THRB: variants seen among roughly 807,000 people sequenced by gnomAD.
The protein encoded by THRB is thyroid hormone receptor beta.
Under a neutral mutation model 47.8 loss-of-function variants are expected in THRB, and 12 were observed. That is an observed-to-expected ratio of 0.25 (90% CI 0.16 to 0.41). THRB has a LOEUF of 0.41. THRB is among the 10% of genes least tolerant of loss of function. The pLI is 1.00. For synonymous variants in THRB, 218 were observed against 212.2 expected (o/e 1.03, Z -0.24); for missense variants, 348 against 589.2 (o/e 0.59, Z 4.24).
chr3:24,139,571 A>G (rs150443927), intron 8 of THRB, among the ~76,000 whole-genome samples: 1 of 152,060 alleles, frequency 6.6e-6, no homozygotes, highest in Non-Finnish European at 1.5e-5. Flanking sequence ...TTTTTTGTAG[A>G]GATGGAGTCT....
chr3:24,492,465 G>A (rs1419037253), intron 1 of THRB, among the ~76,000 whole-genome samples: 4 of 152,140 alleles, frequency 2.6e-5, no homozygotes, highest in Admixed American at 6.5e-5. Context: ...AAGGTGACAC[G>A]TAATCTTACA....
intron 1 of THRB, among the ~76,000 whole-genome samples, chr3:24,351,740 G>A (rs1282062781): frequency 2.6e-5 from 4 of 152,160 alleles, no homozygotes; most frequent in African/African-American, 9.7e-5. Context: ...AAGGTGCTGG[G>A]AATGAGAAGC....
intron 2 of THRB, among the ~76,000 whole-genome samples, chr3:24,300,946 A>C (rs1324104317): frequency 6.6e-6 from 1 of 152,202 alleles, no homozygotes; most frequent in Admixed American, 6.5e-5. Context: ...AGATATAATT[A>C]AGGATCTCTA....
intron 3 of THRB, among the ~76,000 whole-genome samples, chr3:24,288,400 G>T (rs1348878957): frequency 6.6e-6 from 1 of 152,212 alleles, no homozygotes; most frequent in Admixed American, 6.5e-5. Context: ...TCTCAGCTGA[G>T]AGTTGTGCTT....
intron 10 of THRB, among the ~76,000 whole-genome samples, chr3:24,125,292 G>GGTAA (rs1034463401): frequency 6.6e-6 from 1 of 152,180 alleles, no homozygotes; most frequent in Non-Finnish European, 1.5e-5. Context: ...TAAAAAAGAA[G>GGTAA]GTAAGTGTCA....
Position 24,205,905 on chromosome 3 carries a change from G to T in THRB, c.23-15571C>A, listed in dbSNP as rs568652394. ...AACAAAGATCAAAAGAGACAAAGAAGGCCATTACATAATGGTAAAGGGATC... is the reference window on the plus strand; with the variant it reads ...AACAAAGATCAAAAGAGACAAAGAATGCCATTACATAATGGTAAAGGGATC... On this transcript the variant is annotated intron_variant, in intron 4 of 10. Transcript: ENST00000646209. Among the ~76,000 whole-genome samples the T allele has an allele frequency of 2.0e-5, 3 of 152,202 alleles. No individual in the cohort carries two copies. The East Asian group carries it at 5.8e-4, about 29-fold the overall frequency.
intron 4 of THRB, among the ~76,000 whole-genome samples, chr3:24,194,305 C>T (rs2043707170): frequency 6.6e-6 from 1 of 151,976 alleles, no homozygotes; most frequent in Admixed American, 6.6e-5. Flanking sequence ...GCCTGTTGTT[C>T]TGAGCATTAT....
At chr3:24,244,323 A>G (rs935323434) in intron 3 of THRB, among the ~76,000 whole-genome samples, 10 of 152,196 alleles carry the variant, frequency 6.6e-5, no homozygotes, top group Non-Finnish European at 1.0e-4. Flanking sequence ...TTAAAGACAG[A>G]GCTGAAAAAG....
intron 1 of THRB, among the ~76,000 whole-genome samples, chr3:24,378,589 G>A (rs1350731972): frequency 1.1e-4 from 16 of 152,138 alleles, no homozygotes; most frequent in Admixed American, 1.0e-3. Flanking sequence ...CCATGACGGT[G>A]CTCAAGGTTG....
At chr3:24,165,050 G>T in intron 5 of THRB, 1 of 760,020 alleles carries the variant, frequency 1.3e-6, no homozygotes, top group South Asian at 1.3e-5. Flanking sequence ...ATACGATGGC[G>T]ACTGCACTTG....
At chr3:24,407,312 T>C (rs1184425733) in intron 1 of THRB, among the ~76,000 whole-genome samples, 2 of 150,812 alleles carry the variant, frequency 1.3e-5, no homozygotes, top group East Asian at 2.0e-4. Flanking sequence ...CTGGGAAAGG[T>C]TGTGGGAGGT....
At chr3:24,471,882 T>C (rs1694758265) in intron 1 of THRB, among the ~76,000 whole-genome samples, 1 of 152,214 alleles carries the variant, frequency 6.6e-6, no homozygotes. Context: ...AGGGAAGCTA[T>C]GGATATTCTT....
intron 3 of THRB, among the ~76,000 whole-genome samples, chr3:24,291,261 T>C (rs1348185830): frequency 6.6e-6 from 1 of 152,192 alleles, no homozygotes; most frequent in Non-Finnish European, 1.5e-5. Context: ...ACACAGAAAA[T>C]GGGAGGCCTT....
chr3:24,473,039 A>G (rs762312226), intron 1 of THRB, among the ~76,000 whole-genome samples: 24 of 152,268 alleles, frequency 1.6e-4, no homozygotes, highest in Admixed American at 4.6e-4. Context: ...CCCGTTCTTC[A>G]TGTAAATGGA....
At chr3:24,356,329 T>C (rs1164373137) in intron 1 of THRB, among the ~76,000 whole-genome samples, 1 of 152,102 alleles carries the variant, frequency 6.6e-6, no homozygotes, top group African/African-American at 2.4e-5. Context: ...CCCAAGACTT[T>C]AGTGGAAGGC....
At chr3:24,454,192 C>T (rs1435627908) in intron 1 of THRB, among the ~76,000 whole-genome samples, 5 of 152,078 alleles carry the variant, frequency 3.3e-5, no homozygotes, top group African/African-American at 7.2e-5. Flanking sequence ...TGAATTTTAT[C>T]GATACATGGT....
intron 3 of THRB, among the ~76,000 whole-genome samples, chr3:24,291,659 C>A (rs2055930912): frequency 6.6e-6 from 1 of 152,100 alleles, no homozygotes; most frequent in Non-Finnish European, 1.5e-5. Flanking sequence ...AGTATGGATG[C>A]ATTTTTTTTC....
chr3:24,176,337 G>A (rs370234638), intron 5 of THRB, among the ~76,000 whole-genome samples: 5 of 152,088 alleles, frequency 3.3e-5, no homozygotes, highest in Non-Finnish European at 7.4e-5. Context: ...TTGAGTGGTT[G>A]TTTAAGTGGA....
At chr3:24,451,295 G>A (rs1294127308) in intron 1 of THRB, among the ~76,000 whole-genome samples, 4 of 146,736 alleles carry the variant, frequency 2.7e-5, no homozygotes, top group African/African-American at 7.6e-5. Flanking sequence ...GTGCAGTGGC[G>A]CGATCTCAGC....
Sources: allele counts gnomAD v4.1 joint callset (sites outside exome capture counted in the v4.1 genomes callset), GRCh38; gene constraint gnomAD v4.1.1; transcripts MANE v1.5; gene names NCBI Gene and HGNC (gene_info 2026-07-23, HGNC 2026-07-21).